STAG2: variants seen among roughly 807,000 people sequenced by gnomAD.
STAG2 encodes cohesin subunit SA-2.
Under a neutral mutation model 108.1 loss-of-function variants are expected in STAG2, and 14 were observed. The ratio of observed to expected loss-of-function variants is 0.13; its 90% CI spans 0.09 to 0.20. The LOEUF (loss-of-function observed/expected upper bound fraction) is 0.20. Ranked by LOEUF, STAG2 falls within the 10% of genes least tolerant of loss-of-function variation. The pLI, the probability that STAG2 is intolerant of heterozygous loss-of-function variation, is 1.00. For missense variants in STAG2, 440 were observed against 940.9 expected, an observed-to-expected ratio of 0.47 and a Z score of 6.96; for synonymous variants, 307 against 302.7, an observed-to-expected ratio of 1.01 and a Z score of -0.15.
chrX:124,027,072 C>T (rs1340718307), intron 4 of STAG2, among the ~76,000 whole-genome samples: 1 of 110,707 alleles, frequency 9.0e-6, no homozygotes, highest in Non-Finnish European at 1.9e-5. Context: ...CCTGGCTTCT[C>T]TGTAATTCCT....
intron 1 of STAG2, among the ~76,000 whole-genome samples, chrX:123,986,779 A>G (rs2147718008): frequency 8.9e-6 from 1 of 111,810 alleles, no homozygotes; most frequent in South Asian, 3.7e-4. Flanking sequence ...CATTTGACCA[A>G]AGGTTTTATA....
chrX:124,060,378 G>A (rs941480040), intron 15 of STAG2, among the ~76,000 whole-genome samples: 1 of 112,059 alleles, frequency 8.9e-6, no homozygotes, highest in Non-Finnish European at 1.9e-5. Flanking sequence ...TGCCTGCCTC[G>A]GCCTCCCAGA....
chrX:124,026,004 T>A, intron 4 of STAG2, 86 bp downstream of exon 4: 1 of 730,756 alleles, frequency 1.4e-6, no homozygotes, highest in East Asian at 3.5e-5. Context: ...AGTTTTATCT[T>A]TTAAAAATGG....
At chrX:123,971,941 A>G (rs5958364) in intron 1 of STAG2, among the ~76,000 whole-genome samples, 26,056 of 111,187 alleles carry the variant, frequency 0.23, 2,255 homozygotes, top group South Asian at 0.39. Context: ...TGTAGAGATT[A>G]ATATGTCATT....
intron 13 of STAG2, among the ~76,000 whole-genome samples, chrX:124,055,520 T>C (rs778217623): frequency 3.5e-5 from 4 of 112,804 alleles, no homozygotes; most frequent in African/African-American, 9.6e-5. Flanking sequence ...GAAAATATTT[T>C]GTTAGGCTTA....
At chrX:124,063,071 G>T in intron 18 of STAG2, 45 bp from the exon 19 acceptor site, 1 of 1,167,996 alleles carries the variant, frequency 8.6e-7, no homozygotes, top group Non-Finnish European at 1.2e-6. Context: ...ATATTATAAT[G>T]CTTTCTTATT....
chrX:124,050,436 T>C (rs942457900), intron 11 of STAG2, 127 bp downstream of exon 11: 11 of 735,506 alleles, frequency 1.5e-5, no homozygotes, highest in Non-Finnish European at 2.0e-5. Context: ...CTTTATTCTT[T>C]TCTATCTTCT....
intron 25 of STAG2, 24 bp downstream of exon 25, chrX:124,071,347 T>G: frequency 9.0e-7 from 1 of 1,109,340 alleles, no homozygotes; most frequent in Middle Eastern, 2.5e-4. Flanking sequence ...CATCTTTTTA[T>G]TAAATCTGTG....
At chrX:124,027,123 C>T (rs2057131102) in intron 4 of STAG2, among the ~76,000 whole-genome samples, 1 of 111,527 alleles carries the variant, frequency 9.0e-6, no homozygotes, top group African/African-American at 3.3e-5. Flanking sequence ...TCACTATGTT[C>T]CCCAGGCTGG....
intron 1 of STAG2, among the ~76,000 whole-genome samples, chrX:124,013,795 T>TA (rs2056607045): frequency 1.8e-5 from 2 of 111,175 alleles, no homozygotes; most frequent in Non-Finnish European, 3.8e-5. Context: ...GTAGATGTAT[T>TA]ACAGCAGGAA....
chrX:124,053,582 G>A (rs981858656), intron 13 of STAG2, among the ~76,000 whole-genome samples: 2 of 111,167 alleles, frequency 1.8e-5, no homozygotes, highest in African/African-American at 6.5e-5. Context: ...TTTAAGTCAT[G>A]TATTATAAAA....
intron 24 of STAG2, 21 bp from the exon 25 acceptor site, chrX:124,071,128 C>CTT (rs77366098): frequency 2.9e-4 from 246 of 842,609 alleles, no homozygotes; most frequent in Middle Eastern, 6.4e-4. Context: ...ATGCTTTCCT[C>CTT]TTTTTTTTTT....
At chrX:124,045,872 C>T (rs2057860593) in intron 8 of STAG2, among the ~76,000 whole-genome samples, 1 of 110,677 alleles carries the variant, frequency 9.0e-6, no homozygotes, top group Non-Finnish European at 1.9e-5. Flanking sequence ...CTTTGGTGTG[C>T]GTTGCCTCTC....
chrX:124,035,378 T>C (rs2057485807), intron 5 of STAG2, among the ~76,000 whole-genome samples: 1 of 112,149 alleles, frequency 8.9e-6, no homozygotes, highest in Non-Finnish European at 1.9e-5. Context: ...TGAATTACTT[T>C]TTAATGTGAT....
chrX:123,993,354 C>T (rs1293345909), intron 1 of STAG2, among the ~76,000 whole-genome samples: 1 of 111,557 alleles, frequency 9.0e-6, no homozygotes, highest in Non-Finnish European at 1.9e-5. Flanking sequence ...GAGTTGAAAT[C>T]TATATGGAAT....
At chrX:124,023,929 A>AG (rs1161690451) in intron 3 of STAG2, among the ~76,000 whole-genome samples, 1 of 111,776 alleles carries the variant, frequency 8.9e-6, no homozygotes, top group Non-Finnish European at 1.9e-5. Context: ...GTCGTGTGAT[A>AG]GATGACTCAG....
intron 6 of STAG2, among the ~76,000 whole-genome samples, chrX:124,039,578 C>T (rs1350664747): frequency 1.8e-5 from 2 of 109,312 alleles, no homozygotes; most frequent in Non-Finnish European, 3.8e-5. Flanking sequence ...ACCTTCCTGG[C>T]ATGAGTGAGT....
intron 17 of STAG2, among the ~76,000 whole-genome samples, chrX:124,062,453 GT>G (rs2058411100): frequency 8.9e-6 from 1 of 111,932 alleles, no homozygotes; most frequent in African/African-American, 3.2e-5. Flanking sequence ...TTCTATTTCT[GT>G]TTTTTAAAAA....
intron 1 of STAG2, among the ~76,000 whole-genome samples, chrX:124,004,567 G>T (rs1031287872): frequency 2.7e-5 from 3 of 111,036 alleles, no homozygotes; most frequent in Non-Finnish European, 5.7e-5. Flanking sequence ...TTTCCATTGT[G>T]TATATGTACC....
Sources: allele counts gnomAD v4.1 joint callset (sites outside exome capture counted in the v4.1 genomes callset), GRCh38; gene constraint gnomAD v4.1.1; transcripts MANE v1.5; gene names NCBI Gene and HGNC (gene_info 2026-07-23, HGNC 2026-07-21).